Variants in EPB41L5 observed in about 807,000 individuals in gnomAD.
EPB41L5 encodes the protein erythrocyte membrane protein band 4.1 like 5.
A neutral mutation model predicts 106.6 loss-of-function variants in EPB41L5; 55 were observed. The ratio of observed to expected loss-of-function variants is 0.52; its 90% confidence interval spans 0.42 to 0.65. EPB41L5 has a LOEUF of 0.65. Ranked by LOEUF, EPB41L5 falls within the 30% of genes least tolerant of loss-of-function variation. EPB41L5 has a pLI of 0.00. For missense variants in EPB41L5, 871 were observed against 882.1 expected (o/e 0.99, Z 0.16); for synonymous variants, 297 against 306.7 (o/e 0.97, Z 0.33).
intron 18 of EPB41L5, among the ~76,000 whole-genome samples, chr2:120,133,294 G>T (rs1685784893): frequency 2.0e-5 from 3 of 152,112 alleles, no homozygotes; most frequent in African/African-American, 4.8e-5. Context: ...ATAAGAACCG[G>T]AAATCAGGTG....
chr2:120,160,482 T>G (rs986718092), intron 20 of EPB41L5: 4 of 160,458 alleles, frequency 2.5e-5, no homozygotes, highest in Non-Finnish European at 4.1e-5. Flanking sequence ...GATGTCTTTT[T>G]GATATATTGA....
chr2:120,071,608 C>T (rs534264888), intron 3 of EPB41L5, among the ~76,000 whole-genome samples: 119 of 152,254 alleles, frequency 7.8e-4, no homozygotes, highest in African/African-American at 2.8e-3. Context: ...AGAACAGAGG[C>T]GTCAGAATTA....
chr2:120,103,761 A>T (rs555856235), intron 16 of EPB41L5, among the ~76,000 whole-genome samples: 9 of 152,228 alleles, frequency 5.9e-5, no homozygotes, highest in African/African-American at 2.2e-4. Context: ...TAGTAACAAC[A>T]TCAGGGACAG....
At chr2:120,105,774 C>T (rs910193174) in intron 16 of EPB41L5, 16 of 985,138 alleles carry the variant, frequency 1.6e-5, no homozygotes, top group African/African-American at 3.5e-5. Context: ...TTAGACTTTA[C>T]ATAGCTCAGA....
At chr2:120,074,331 T>G in intron 5 of EPB41L5, 153 bp downstream of exon 5, 1 of 590,574 alleles carries the variant, frequency 1.7e-6, no homozygotes, top group South Asian at 2.6e-5. Flanking sequence ...TGGGACGTGT[T>G]TTTTAAGTGT....
At chr2:120,155,135 T>C (rs1420212786) in intron 20 of EPB41L5, among the ~76,000 whole-genome samples, 1 of 152,208 alleles carries the variant, frequency 6.6e-6, no homozygotes, top group Non-Finnish European at 1.5e-5. Context: ...TACTGGGTAG[T>C]ATTCTTTTCT....
intron 2 of EPB41L5, among the ~76,000 whole-genome samples, chr2:120,022,967 C>CA (rs1678040016): frequency 6.6e-6 from 1 of 152,176 alleles, no homozygotes; most frequent in Non-Finnish European, 1.5e-5. Flanking sequence ...TTGTTGACTG[C>CA]ATAAATGTCT....
chr2:120,083,263 C>T (rs1322134566), intron 10 of EPB41L5, among the ~76,000 whole-genome samples: 1 of 152,186 alleles, frequency 6.6e-6, no homozygotes, highest in African/African-American at 2.4e-5. Flanking sequence ...TTTCCCCCTA[C>T]ACACTGCTTT....
chr2:120,172,009 TAAAA>T (rs753429042), intron 24 of EPB41L5, among the ~76,000 whole-genome samples: 2 of 109,220 alleles, frequency 1.8e-5, no homozygotes, highest in African/African-American at 3.0e-5. Context: ...ACAGGAAACT[TAAAA>T]AAAAAAAAAG....
Position 120,175,090 on chromosome 2 carries a change from C to T in EPB41L5, c.*183C>T. ...GTCCAACTGGAATTGTTGAATCACA[C>T]TGCATAGCTGCCCAAAAGAGAGTGT... On this transcript the variant is annotated 3_prime_UTR_variant, in exon 25 of 25. Coordinates refer to ENST00000263713, the MANE Select transcript of EPB41L5 (RefSeq NM_020909.4). 1 of 611,638 alleles carries T rather than the reference C, an allele frequency of 1.6e-6. No homozygotes were observed. The allele number at this position is 611,638 out of a possible 1,614,324, so 37.9% of individuals were successfully genotyped here.
chr2:120,067,918 A>G (rs1040718365), intron 3 of EPB41L5, among the ~76,000 whole-genome samples: 1 of 152,218 alleles, frequency 6.6e-6, no homozygotes, highest in African/African-American at 2.4e-5. Context: ...AAATAAGGGC[A>G]AAATTTAGCA....
At chr2:120,134,376 C>A (rs1050519461) in intron 18 of EPB41L5, among the ~76,000 whole-genome samples, 2 of 152,132 alleles carry the variant, frequency 1.3e-5, no homozygotes, top group African/African-American at 2.4e-5. Flanking sequence ...TGCAGTCTTA[C>A]AGAGAAATGC....
In EPB41L5 at chr2:120,087,323, C is replaced by T. The variant is rs962897222; in HGVS notation, c.873+83C>T. On this transcript the variant is annotated intron_variant, in intron 11 of 24. Transcript: ENST00000263713. Reference sequence around the variant, plus strand: ...TTATTTCTCTAAAAGAGGGAATGTACCTCATTGTTTTAAAGAGCCACAGAA... The same window carrying T: ...TTATTTCTCTAAAAGAGGGAATGTATCTCATTGTTTTAAAGAGCCACAGAA... The T allele has an allele frequency of 3.7e-6, 3 of 818,094 alleles. No individual in the cohort carries two copies. The African/African-American group carries it at 5.2e-5, about 14-fold the overall frequency. The allele number at this position is 818,094 out of a possible 1,614,324, so 50.7% of individuals were successfully genotyped here. A position where few individuals can be genotyped will look rare whatever the true frequency, so the allele number is the denominator to read the frequency against.
intron 4 of EPB41L5, among the ~76,000 whole-genome samples, chr2:120,073,803 T>C (rs555607750): frequency 2.6e-5 from 4 of 152,298 alleles, no homozygotes; most frequent in South Asian, 4.1e-4. Context: ...CATTCTTCAG[T>C]GTAGCAGGTT....
chr2:120,099,555 G>C (rs1407703208), intron 14 of EPB41L5, among the ~76,000 whole-genome samples: 1 of 151,944 alleles, frequency 6.6e-6, no homozygotes, highest in African/African-American at 2.4e-5. Context: ...AGCCTCCCAA[G>C]TAGCTGGGAC....
At chr2:120,089,274 T>G (rs1214462597) in intron 11 of EPB41L5, among the ~76,000 whole-genome samples, 2 of 152,108 alleles carry the variant, frequency 1.3e-5, no homozygotes, top group African/African-American at 4.8e-5. Flanking sequence ...TAGAGAAAGA[T>G]AAATACAATT....
Position 120,049,300 on chromosome 2 carries a change from T to A in EPB41L5, c.285+7190T>A, listed in dbSNP as rs538530918. 1.8e-3 allele frequency among the ~76,000 whole-genome samples: 273 copies of A among 152,286 alleles called. 2 individuals are homozygous for A. The highest frequency in any genetic ancestry group is 6.8e-3 in the Middle Eastern group (2 of 294). On this transcript the variant is annotated intron_variant, in intron 3 of 24. Transcript: ENST00000263713. The stretch of plus-strand genomic sequence containing the variant: ...CATTATTATTGTGTGGGAGTCTAAG[T>A]CTCTTTGTAGGTCTCTAAGGACTTG...
intron 16 of EPB41L5, chr2:120,106,997 C>CTT (rs1047425017): frequency 4.0e-4 from 270 of 682,842 alleles, no homozygotes; most frequent in Middle Eastern, 7.3e-4. Context: ...TTCAAATCAT[C>CTT]TTTTTTTTTT....
chr2:120,143,855 C>G, intron 19 of EPB41L5, among the ~76,000 whole-genome samples: 1 of 152,088 alleles, frequency 6.6e-6, no homozygotes, highest in East Asian at 1.9e-4. Flanking sequence ...AGTATTGACT[C>G]TAGAATCTCA....
Sources: allele counts gnomAD v4.1 joint callset (sites outside exome capture counted in the v4.1 genomes callset), GRCh38; gene constraint gnomAD v4.1.1; transcripts MANE v1.5; gene names NCBI Gene and HGNC (gene_info 2026-07-23, HGNC 2026-07-21).